PBX3: variants seen among roughly 807,000 people sequenced by gnomAD.
The protein encoded by PBX3 is pre-B-cell leukemia transcription factor 3.
A neutral mutation model predicts 48.5 loss-of-function variants in PBX3; 14 were observed. The ratio of observed to expected loss-of-function variants is 0.29; its 90% CI spans 0.19 to 0.45. The LOEUF (loss-of-function observed/expected upper bound fraction) is 0.45. PBX3 is among the 20% of genes least tolerant of loss of function. The probability of loss-of-function intolerance (pLI) is 1.00; values close to 1 mark genes in which losing one functional copy is unlikely to be tolerated. For missense variants in PBX3, 386 were observed against 546.7 expected (o/e 0.71, Z 2.93); for synonymous variants, 210 against 200.3 (o/e 1.05, Z -0.41).
chr9:125,935,108 A>C (rs140483100), intron 4 of PBX3, among the ~76,000 whole-genome samples: 15 of 152,210 alleles, frequency 9.9e-5, no homozygotes, highest in Admixed American at 5.2e-4. Context: ...AACCCTTTAG[A>C]CAAGATATTT....
At chr9:125,777,861 G>C (rs1451794265) in intron 2 of PBX3, among the ~76,000 whole-genome samples, 1 of 151,658 alleles carries the variant, frequency 6.6e-6, no homozygotes, top group East Asian at 1.9e-4. Flanking sequence ...TAATTTGTTG[G>C]TATATAATTA....
chr9:125,915,286 A>G (rs1411150404), intron 2 of PBX3, among the ~76,000 whole-genome samples: 1 of 152,126 alleles, frequency 6.6e-6, no homozygotes, highest in African/African-American at 2.4e-5. Context: ...CCACCTTTGG[A>G]TGAGTTGTTT....
intron 3 of PBX3, among the ~76,000 whole-genome samples, chr9:125,925,240 G>A (rs1013410508): frequency 3.3e-5 from 5 of 152,078 alleles, no homozygotes; most frequent in South Asian, 2.1e-4. Context: ...AGCGTTTCCC[G>A]AAGAGTTTTT....
chr9:125,794,626 A>G (rs1038350448), intron 2 of PBX3, among the ~76,000 whole-genome samples: 1 of 151,888 alleles, frequency 6.6e-6, no homozygotes, highest in African/African-American at 2.4e-5. Context: ...ACCCTAAACA[A>G]TTATAATTAC....
intron 2 of PBX3, among the ~76,000 whole-genome samples, chr9:125,801,633 G>A (rs1015641213): frequency 6.6e-6 from 1 of 151,368 alleles, no homozygotes; most frequent in Non-Finnish European, 1.5e-5. Flanking sequence ...AATTAGTGAT[G>A]TATGTTATCG....
intron 2 of PBX3, among the ~76,000 whole-genome samples, chr9:125,879,594 A>T (rs183575904): frequency 7.0e-4 from 107 of 152,148 alleles, no homozygotes; most frequent in African/African-American, 2.4e-3. Flanking sequence ...CAATCTTTAA[A>T]TTGTAGAACC....
intron 2 of PBX3, among the ~76,000 whole-genome samples, chr9:125,817,785 T>TAA (rs1554859544): frequency 6.6e-6 from 1 of 151,798 alleles, no homozygotes; most frequent in Non-Finnish European, 1.5e-5. Context: ...AGTACCCACT[T>TAA]ACCTCACAGA....
intron 2 of PBX3, among the ~76,000 whole-genome samples, chr9:125,906,921 T>C (rs897967969): frequency 2.0e-5 from 3 of 152,028 alleles, no homozygotes; most frequent in Admixed American, 2.0e-4. Flanking sequence ...TCTTAATGAG[T>C]ACATTTGCAG....
Position 125,880,901 on chromosome 9 carries a change from A to G in PBX3, c.275-34785A>G, listed in dbSNP as rs1840365841. On this transcript the variant is annotated intron_variant, in intron 2 of 8. Coordinates refer to ENST00000373489, the MANE Select transcript of PBX3 (RefSeq NM_006195.6). ...TAAAGTAGAAATAAAAAACTGTCTT[A>G]TTGAATAGAACTAGTTTTTTAAAAA... Among the ~76,000 whole-genome samples the G allele has an allele frequency of 2.0e-5, 3 of 152,200 alleles. 1 individual carries two copies. In the South Asian group the frequency reaches 6.2e-4, roughly 31 times the overall value.
chr9:125,944,363 A>G (rs1257367426), intron 5 of PBX3, among the ~76,000 whole-genome samples: 2 of 152,192 alleles, frequency 1.3e-5, no homozygotes, highest in Non-Finnish European at 2.9e-5. Context: ...ATTTTTGGCT[A>G]TTTTCTTAAT....
chr9:125,858,452 G>A (rs1839778418), intron 2 of PBX3, among the ~76,000 whole-genome samples: 1 of 151,990 alleles, frequency 6.6e-6, no homozygotes. Flanking sequence ...GGTAACAAGG[G>A]GATTTTCAGG....
intron 2 of PBX3, among the ~76,000 whole-genome samples, chr9:125,798,796 C>A (rs186042204): frequency 6.6e-6 from 1 of 152,032 alleles, no homozygotes; most frequent in African/African-American, 2.4e-5. Flanking sequence ...TATAACTAAG[C>A]AAATGTATAT....
At chr9:125,811,075 C>A (rs150306960) in intron 2 of PBX3, among the ~76,000 whole-genome samples, 5 of 152,150 alleles carry the variant, frequency 3.3e-5, no homozygotes, top group Admixed American at 2.0e-4. Context: ...GGTTCCTTAG[C>A]CTCTTTCTTT....
At chr9:125,814,817 C>T (rs1046234030) in intron 2 of PBX3, among the ~76,000 whole-genome samples, 1 of 152,152 alleles carries the variant, frequency 6.6e-6, no homozygotes, top group African/African-American at 2.4e-5. Context: ...AGATCACTCT[C>T]CCTCCTTTGA....
chr9:125,810,396 G>GTGTGTGTGTA (rs1359076518), intron 2 of PBX3, among the ~76,000 whole-genome samples: 1 of 151,626 alleles, frequency 6.6e-6, no homozygotes, highest in East Asian at 1.9e-4. Context: ...GTGTGTGTGT[G>GTGTGTGTGTA]TATGGTGGAG....
intron 2 of PBX3, among the ~76,000 whole-genome samples, chr9:125,813,872 A>G (rs972593564): frequency 2.7e-4 from 41 of 150,596 alleles, no homozygotes; most frequent in African/African-American, 8.3e-4. Context: ...ACATACATAA[A>G]CACGTATGTC....
intron 2 of PBX3, among the ~76,000 whole-genome samples, chr9:125,767,073 G>C (rs1192172396): frequency 6.6e-6 from 1 of 152,154 alleles, no homozygotes; most frequent in Non-Finnish European, 1.5e-5. Context: ...TCATCAGGTG[G>C]AAAGACCTGG....
intron 2 of PBX3, among the ~76,000 whole-genome samples, chr9:125,791,301 G>GTCTATCTATCTATCTA (rs61202902): frequency 0.041 from 4,506 of 108,916 alleles, 89 homozygotes; most frequent in African/African-American, 0.043. Context: ...CTGTCTGTCT[G>GTCTATCTATCTATCTA]TCTATCTATC....
chr9:125,964,782 A>C (rs528339290), intron 8 of PBX3, among the ~76,000 whole-genome samples: 1 of 152,198 alleles, frequency 6.6e-6, no homozygotes, highest in Non-Finnish European at 1.5e-5. Flanking sequence ...TCTAGACAAG[A>C]GTTCTCAGCA....
Sources: gnomAD v4.1 joint callset for allele counts (sites outside exome capture counted in the v4.1 genomes callset) on GRCh38, gnomAD v4.1.1 for gene constraint, MANE v1.5 for transcripts, NCBI Gene and HGNC (gene_info 2026-07-23, HGNC 2026-07-21) for gene names.